Variants in XKR4 observed in about 807,000 individuals in gnomAD.
The protein encoded by XKR4 is XK related 4, also known as XK-related protein 4.
Under a neutral mutation model 53.9 loss-of-function variants are expected in XKR4, and 12 were observed. The ratio of observed to expected loss-of-function variants is 0.22; its 90% CI spans 0.14 to 0.36. XKR4 has a LOEUF of 0.36. Ranked by LOEUF, XKR4 falls within the 10% of genes least tolerant of loss-of-function variation. XKR4 has a pLI of 1.00. For synonymous variants in XKR4, 354 were observed against 362.4 expected, an observed-to-expected ratio of 0.98 and a Z score of 0.26; for missense variants, 799 against 859.5, an observed-to-expected ratio of 0.93 and a Z score of 0.88.
chr8:55,510,043 G>A (rs571958521), intron 2 of XKR4, among the ~76,000 whole-genome samples: 1 of 152,144 alleles, frequency 6.6e-6, no homozygotes, highest in African/African-American at 2.4e-5. Flanking sequence ...GAACCTACTT[G>A]GGCTTCAGGT....
chr8:55,312,296 T>C (rs569377130), intron 1 of XKR4, among the ~76,000 whole-genome samples: 1 of 152,294 alleles, frequency 6.6e-6, no homozygotes, highest in African/African-American at 2.4e-5. Flanking sequence ...GTTAATAAAA[T>C]ATAATAACAA....
intron 2 of XKR4, among the ~76,000 whole-genome samples, chr8:55,412,193 C>T (rs1315792369): frequency 1.3e-5 from 2 of 152,086 alleles, no homozygotes; most frequent in Admixed American, 6.5e-5. Flanking sequence ...AGAGCTGGCT[C>T]GTTTGTGGAC....
intron 1 of XKR4, among the ~76,000 whole-genome samples, chr8:55,250,219 A>T (rs13274989): frequency 0.78 from 119,024 of 151,676 alleles, 48,955 homozygotes; most frequent in Non-Finnish European, 0.92. Flanking sequence ...GATAGCTTTA[A>T]GTGAATCTAA....
At chr8:55,498,145 C>A (rs1219094693) in intron 2 of XKR4, among the ~76,000 whole-genome samples, 3 of 152,086 alleles carry the variant, frequency 2.0e-5, no homozygotes, top group African/African-American at 7.2e-5. Context: ...AAGAAAAGAC[C>A]AAAAGAGCCT....
At chr8:55,396,884 T>C (rs1804527145) in intron 2 of XKR4, among the ~76,000 whole-genome samples, 1 of 152,234 alleles carries the variant, frequency 6.6e-6, no homozygotes, top group African/African-American at 2.4e-5. Flanking sequence ...GTATTCAGTA[T>C]AAAATAAAGC....
intron 1 of XKR4, among the ~76,000 whole-genome samples, chr8:55,105,418 T>C (rs1261540321): frequency 6.6e-6 from 1 of 152,172 alleles, no homozygotes; most frequent in East Asian, 1.9e-4. Flanking sequence ...AACCGCAGGC[T>C]GTCAGACAAA....
intron 1 of XKR4, among the ~76,000 whole-genome samples, chr8:55,208,407 T>C (rs1226088228): frequency 2.0e-5 from 3 of 152,202 alleles, no homozygotes; most frequent in Admixed American, 2.0e-4. Flanking sequence ...GGGTTTCTAA[T>C]TGTGTTATTT....
chr8:55,341,535 A>T (rs1237590612), intron 1 of XKR4, among the ~76,000 whole-genome samples: 2 of 152,182 alleles, frequency 1.3e-5, no homozygotes, highest in African/African-American at 4.8e-5. Flanking sequence ...GTCCCTTTCC[A>T]GTAAGGATAT....
At chr8:55,115,581 G>A (rs545402920) in intron 1 of XKR4, among the ~76,000 whole-genome samples, 33 of 152,234 alleles carry the variant, frequency 2.2e-4, no homozygotes, top group African/African-American at 7.2e-4. Flanking sequence ...TCAAGAGATC[G>A]AGACCATCCT....
At chr8:55,164,531 G>A (rs1336278413) in intron 1 of XKR4, 2 of 438,094 alleles carry the variant, frequency 4.6e-6, no homozygotes, top group African/African-American at 4.1e-5. Flanking sequence ...AAAATGTTTA[G>A]GAACTTCTTT....
chr8:55,161,145 G>C (rs1002675665), intron 1 of XKR4, among the ~76,000 whole-genome samples: 12 of 152,156 alleles, frequency 7.9e-5, no homozygotes, highest in Admixed American at 6.5e-4. Flanking sequence ...TGGTGGCTCT[G>C]AATGTGGGCT....
chr8:55,190,228 G>C (rs1462025381), intron 1 of XKR4, among the ~76,000 whole-genome samples: 1 of 152,166 alleles, frequency 6.6e-6, no homozygotes. Context: ...GCTTGGAGGA[G>C]GAAGGACCAT....
chr8:55,476,349 C>T (rs541745722), intron 2 of XKR4, among the ~76,000 whole-genome samples: 1 of 152,038 alleles, frequency 6.6e-6, no homozygotes, highest in African/African-American at 2.4e-5. Flanking sequence ...AATGCTCCCC[C>T]CAGAGGTCAA....
intron 2 of XKR4, among the ~76,000 whole-genome samples, chr8:55,480,431 C>A (rs991451104): frequency 1.3e-5 from 2 of 152,088 alleles, no homozygotes; most frequent in African/African-American, 4.8e-5. Flanking sequence ...TATGACAAAC[C>A]CACAGCCAAT....
At chr8:55,508,135 G>A (rs1478806564) in intron 2 of XKR4, among the ~76,000 whole-genome samples, 1 of 151,930 alleles carries the variant, frequency 6.6e-6, no homozygotes, top group Admixed American at 6.6e-5. Context: ...ACCTTTACAA[G>A]CAGTGATGGC....
intron 1 of XKR4, among the ~76,000 whole-genome samples, chr8:55,300,126 T>C (rs1156365760): frequency 1.3e-5 from 2 of 152,058 alleles, no homozygotes; most frequent in East Asian, 3.9e-4. Context: ...TGTTCAGGCA[T>C]GTGAAAGGTG....
intron 2 of XKR4, among the ~76,000 whole-genome samples, chr8:55,472,400 C>A (rs970275671): frequency 2.0e-5 from 3 of 152,064 alleles, no homozygotes; most frequent in African/African-American, 7.3e-5. Flanking sequence ...TGAATATGTT[C>A]TATTTTTAAA....
chr8:55,210,919 C>T (rs1275939248), intron 1 of XKR4, among the ~76,000 whole-genome samples: 1 of 152,180 alleles, frequency 6.6e-6, no homozygotes, highest in African/African-American at 2.4e-5. Flanking sequence ...TGAGTTACTC[C>T]ATGCTACTTT....
At chr8:55,522,146 A>G (rs559666396) in intron 2 of XKR4, among the ~76,000 whole-genome samples, 47 of 152,316 alleles carry the variant, frequency 3.1e-4, no homozygotes, top group African/African-American at 1.0e-3. Flanking sequence ...CCACATCTGG[A>G]CGATAGAGAT....
Sources: allele counts gnomAD v4.1 joint callset (sites outside exome capture counted in the v4.1 genomes callset), GRCh38; gene constraint gnomAD v4.1.1; transcripts MANE v1.5; gene names NCBI Gene and HGNC (gene_info 2026-07-23, HGNC 2026-07-21).